TERT: variants seen among roughly 807,000 people sequenced by gnomAD.
TERT encodes telomerase catalytic subunit.
A neutral mutation model predicts 104.0 loss-of-function variants in TERT; 42 were observed. That is an observed-to-expected ratio of 0.40 (90% CI 0.32 to 0.52). TERT has a LOEUF of 0.52. TERT is among the 20% of genes least tolerant of loss of function. TERT has a pLI of 0.43. For synonymous variants in TERT, 781 were observed against 725.6 expected (o/e 1.08, Z -1.23); for missense variants, 1,101 against 1,610.3 (o/e 0.68, Z 5.41).
chr5:1,270,519 T>C lies in TERT; in HGVS notation c.2468+600A>G, dbSNP rs994856623. Among the ~76,000 whole-genome samples the C allele has an allele frequency of 2.0e-5, 3 of 152,104 alleles. No homozygotes were observed. The highest frequency in any genetic ancestry group is 7.2e-5 in the African/African-American group (3 of 41,432). On this transcript the variant is annotated intron_variant, in intron 8 of 15. Transcript: ENST00000310581. The surrounding 1 kb of genome is among the most constrained non-coding windows in gnomAD (Gnocchi z 8.3). Reference sequence around the variant, plus strand: ...ACCAGGCACTGTGGCTCTACCACCGTGAGTGTGGCTCACCCAGTGGCTGTG... The same window carrying C: ...ACCAGGCACTGTGGCTCTACCACCGCGAGTGTGGCTCACCCAGTGGCTGTG...
chr5:1,275,896 C>T (rs1367029652), intron 6 of TERT, among the ~76,000 whole-genome samples: 1 of 142,064 alleles, frequency 7.0e-6, no homozygotes, highest in Non-Finnish European at 1.5e-5. Context: ...CCCACCTACC[C>T]CACACATGAA....
chr5:1,281,050 G>T (rs1749988902), intron 3 of TERT, among the ~76,000 whole-genome samples: 1 of 152,214 alleles, frequency 6.6e-6, no homozygotes, highest in Admixed American at 6.5e-5. Flanking sequence ...GGGAGGAGGG[G>T]CCTCCAAGGC....
chr5:1,273,997 T>A (rs1455648620), intron 6 of TERT, among the ~76,000 whole-genome samples: 1 of 151,992 alleles, frequency 6.6e-6, no homozygotes, highest in Non-Finnish European at 1.5e-5. Context: ...TTCTGCAGAC[T>A]CCCCCAGGAC....
rs1464354017 is a variant in TERT, at chr5:1,288,827, G to A, written c.1573+4486C>T. On this transcript the variant is annotated intron_variant, in intron 2 of 15. Coordinates refer to ENST00000310581, the MANE Select transcript of TERT (RefSeq NM_198253.3). This position sits in a 1 kb window ranked among gnomAD's most constrained non-coding sequence, Gnocchi z 5.3. ...CGTGGTGAGCAAGCCAGGCCCAACA[G>A]AGGCAAGCGGACCTGAAGCTGTGGC... Among the ~76,000 whole-genome samples the A allele has an allele frequency of 6.6e-6, 1 of 152,176 alleles. No homozygotes were observed. Among genetic ancestry groups the A allele is most frequent in the African/African-American group, 2.4e-5 (1 of 41,436 alleles).
intron 6 of TERT, 94 bp downstream of exon 6, chr5:1,278,547 C>T: frequency 6.4e-7 from 1 of 1,560,226 alleles, no homozygotes; most frequent in Non-Finnish European, 8.8e-7. Flanking sequence ...AGTACCTCCA[C>T]CACAGAAACG....
At position 1,286,030 on chromosome 5, in the gene TERT, G is replaced by A. The variant is rs890347363; in HGVS notation, c.1574-3406C>T. Reference sequence around the variant, plus strand: ...CTGGCGCCACACCGCAGGTTTGCGCGATTTCAAACTCGACACCGCGGAGCC... The same window carrying A: ...CTGGCGCCACACCGCAGGTTTGCGCAATTTCAAACTCGACACCGCGGAGCC... On this transcript the variant is annotated intron_variant, in intron 2 of 15. Coordinates refer to ENST00000310581, the MANE Select transcript of TERT (RefSeq NM_198253.3). This position sits in a 1 kb window ranked among gnomAD's most constrained non-coding sequence, Gnocchi z 5.3. Among the ~76,000 whole-genome samples, 1 of 152,090 alleles carries A rather than the reference G, an allele frequency of 6.6e-6. No individual in the cohort carries two copies. The highest frequency in any genetic ancestry group is 2.4e-5 in the African/African-American group (1 of 41,410).
rs1747493516 is a variant in TERT at position 1,253,628 on chromosome 5, CG to C, written c.*99del. The C allele has an allele frequency of 1.0e-6, 1 of 990,870 alleles. No individual in the cohort carries two copies. The highest frequency in any genetic ancestry group is 1.6e-6 in the Non-Finnish European group (1 of 645,138). 61.4% of individuals were successfully genotyped at this position (990,870 alleles called of 1,614,324 possible). Reference sequence around the variant, plus strand: ...CTCAGGCCTCAGACTCCCAGCGGTGCGGGCCTGGGTGTGGGCCGCCCCTCCC... The same window carrying C: ...CTCAGGCCTCAGACTCCCAGCGGTGCGGCCTGGGTGTGGGCCGCCCCTCCC... On this transcript the variant is annotated 3_prime_UTR_variant, in exon 16 of 16. Transcript: ENST00000310581.
chr5:1,287,261 A>T lies in TERT; in HGVS notation c.1574-4637T>A, dbSNP rs1484146545. On this transcript the variant is annotated intron_variant, in intron 2 of 15. Coordinates refer to ENST00000310581, the MANE Select transcript of TERT (RefSeq NM_198253.3). The surrounding 1 kb of genome is among the most constrained non-coding windows in gnomAD (Gnocchi z 4.3). ...CATGCCTGTAATTCAGCACTTTGGGAAGCCGAGGTAGATGGATCCCTTGAG... is the reference window on the plus strand; with the variant it reads ...CATGCCTGTAATTCAGCACTTTGGGTAGCCGAGGTAGATGGATCCCTTGAG... Among the ~76,000 whole-genome samples the T allele has an allele frequency of 2.0e-5, 3 of 152,084 alleles. No homozygotes were observed. Among genetic ancestry groups the T allele is most frequent in the African/African-American group, 7.2e-5 (3 of 41,410 alleles).
intron 10 of TERT, 34 bp downstream of exon 10, chr5:1,266,430 G>A: frequency 1.3e-6 from 2 of 1,581,490 alleles, no homozygotes; most frequent in East Asian, 2.3e-5. Context: ...CACAGGCTGT[G>A]GAGGTCCCCA....
rs1056318252 is a variant in TERT at position 1,292,010 on chromosome 5, G to A, written c.1573+1303C>T. On this transcript the variant is annotated intron_variant, in intron 2 of 15. Coordinates refer to ENST00000310581, the MANE Select transcript of TERT (RefSeq NM_198253.3). The surrounding 1 kb of genome is among the most constrained non-coding windows in gnomAD (Gnocchi z 5.5). ...GTAGGGACTTCCAGTCACGCAAGACGCAGCATTTCAAGCAACCTGCTGTAA... is the reference window on the plus strand; with the variant it reads ...GTAGGGACTTCCAGTCACGCAAGACACAGCATTTCAAGCAACCTGCTGTAA... Among the ~76,000 whole-genome samples, 6 of 152,294 alleles carry A rather than the reference G, an allele frequency of 3.9e-5. No homozygotes were observed. In the East Asian group the frequency reaches 9.6e-4, roughly 24 times the overall value.
In TERT at chr5:1,272,286, G is replaced by A. The variant is rs758808508; in HGVS notation, c.2287-6C>T. ...AGGTCTGTCAAGGTAGAGACCTGCC[G>A]GCAGAGGAGAGGGCATGAGCCACAA... On this transcript the variant is annotated splice_region_variant and splice_polypyrimidine_tract_variant and intron_variant, in intron 6 of 15. Coordinates refer to ENST00000310581, the MANE Select transcript of TERT (RefSeq NM_198253.3). 11 of 1,608,392 alleles carry A rather than the reference G, an allele frequency of 6.8e-6. No homozygotes were observed. Among genetic ancestry groups the A allele is most frequent in the Admixed American group, 5.0e-5 (3 of 59,656 alleles).
At position 1,256,414 on chromosome 5, in the gene TERT, T is replaced by A. The variant is rs1747731956; in HGVS notation, c.3033-1003A>T. ...CAGCACATGTGCACATGTGCTCATATGTGCGTGTGATCAGAGCCCCCGTGT... is the reference window on the plus strand; with the variant it reads ...CAGCACATGTGCACATGTGCTCATAAGTGCGTGTGATCAGAGCCCCCGTGT... On this transcript the variant is annotated intron_variant, in intron 13 of 15. Transcript: ENST00000310581. The surrounding 1 kb of genome is among the most constrained non-coding windows in gnomAD (Gnocchi z 7.0). Among the ~76,000 whole-genome samples, 1 of 152,094 alleles carries A rather than the reference T, an allele frequency of 6.6e-6. No individual in the cohort carries two copies. The highest frequency in any genetic ancestry group is 2.1e-4 in the South Asian group (1 of 4,816).
rs1749434544 is a variant in TERT, at chr5:1,274,825, C to T, written c.2287-2545G>A. Among the ~76,000 whole-genome samples, 1 of 152,216 alleles carries T rather than the reference C, an allele frequency of 6.6e-6. No individual in the cohort carries two copies. The highest frequency in any genetic ancestry group is 1.5e-5 in the Non-Finnish European group (1 of 68,046). ...TGTTTAGAAAAGAAAGTTCAAACAT[C>T]CATAATCGAAACTTTTCCTTCAAGG... On this transcript the variant is annotated intron_variant, in intron 6 of 15. Transcript: ENST00000310581. The surrounding 1 kb of genome is among the most constrained non-coding windows in gnomAD (Gnocchi z 5.3).
rs34094720 is a variant in TERT, at chr5:1,293,652, G to T, written c.1234C>A (p.His412Asn). Residue 412 changes from histidine to asparagine, a missense_variant, in exon 2 of 16, where the codon CAC becomes AAC. By Grantham distance (68) the His-to-Asn change is moderately conservative. Coordinates refer to ENST00000310581, the MANE Select transcript of TERT (RefSeq NM_198253.3). Reference protein sequence around the residue: ...QCPYGVLLKTHCPLRAAVTPA... With the variant: ...QCPYGVLLKTNCPLRAAVTPA... ...GTGACCGCAGCTCGCAGCGGGCAGTGCGTCTTGAGGAGCACCCCGTAGGGG... is the reference window on the plus strand; with the variant it reads ...GTGACCGCAGCTCGCAGCGGGCAGTTCGTCTTGAGGAGCACCCCGTAGGGG... 1 of 1,561,382 alleles carries T rather than the reference G, an allele frequency of 6.4e-7. No individual in the cohort carries two copies. The highest frequency in any genetic ancestry group is 1.9e-5 in the Admixed American group (1 of 51,682).
intron 6 of TERT, among the ~76,000 whole-genome samples, chr5:1,273,099 C>T (rs561082122): frequency 1.6e-4 from 17 of 103,730 alleles, no homozygotes; most frequent in Non-Finnish European, 2.7e-4. Context: ...TCAGACCCCA[C>T]AACCGCCATC....
chr5:1,262,707 G>C lies in TERT; in HGVS notation c.2843+1697C>G, dbSNP rs958838819. 6.6e-6 allele frequency among the ~76,000 whole-genome samples: 1 copy of C among 152,228 alleles called. No homozygotes were observed. The highest frequency in any genetic ancestry group is 2.4e-5 in the African/African-American group (1 of 41,460). On this transcript the variant is annotated intron_variant, in intron 11 of 15. Coordinates refer to ENST00000310581, the MANE Select transcript of TERT (RefSeq NM_198253.3). This position sits in a 1 kb window ranked among gnomAD's most constrained non-coding sequence, Gnocchi z 5.6. ...GCACTAGCCTCTGTGGCTTTGCAAT[G>C]TGTTTAGAGAGAACCCATTTTCCTG...
At chr5:1,258,297 T>C (rs549683393) in intron 13 of TERT, among the ~76,000 whole-genome samples, 3 of 152,252 alleles carry the variant, frequency 2.0e-5, no homozygotes, top group African/African-American at 7.2e-5. Context: ...CCCATAAACA[T>C]CTCTTTACCC....
Position 1,286,165 on chromosome 5 carries a change from G to A in TERT, c.1574-3541C>T, listed in dbSNP as rs1352038382. ...GCCACGTGGTGCTCCAGACACTCACGGGCCAAGATGACCGCCCTCCTCGTG... is the reference window on the plus strand; with the variant it reads ...GCCACGTGGTGCTCCAGACACTCACAGGCCAAGATGACCGCCCTCCTCGTG... On this transcript the variant is annotated intron_variant, in intron 2 of 15. Coordinates refer to ENST00000310581, the MANE Select transcript of TERT (RefSeq NM_198253.3). The surrounding 1 kb of genome is among the most constrained non-coding windows in gnomAD (Gnocchi z 5.3). Among the ~76,000 whole-genome samples the A allele has an allele frequency of 6.6e-6, 1 of 152,160 alleles. No individual in the cohort carries two copies. The highest frequency in any genetic ancestry group is 1.5e-5 in the Non-Finnish European group (1 of 68,030).
At chr5:1,258,833 C>G (rs1056756363) in intron 12 of TERT, among the ~76,000 whole-genome samples, 174 bp from the exon 13 acceptor site, 3 of 152,268 alleles carry the variant, frequency 2.0e-5, no homozygotes, top group Non-Finnish European at 2.9e-5. Context: ...CTGCGAACCA[C>G]CCTGGGCGAG....
Sources: gnomAD v4.1 joint callset for allele counts (sites outside exome capture counted in the v4.1 genomes callset) on GRCh38, gnomAD v4.1.1 for gene constraint, Gnocchi (gnomAD v3.1) non-coding constraint, MANE v1.5 for transcripts, NCBI Gene and HGNC (gene_info 2026-07-23, HGNC 2026-07-21) for gene names.